The following GGA2 variants were observed in gnomAD, a reference collection of about 807,000 sequenced individuals.
GGA2 encodes the protein golgi associated, gamma adaptin ear containing, ARF binding protein 2, also known as ADP-ribosylation factor-binding protein GGA2.
Under a neutral mutation model 79.5 loss-of-function variants are expected in GGA2, and 48 were observed. That is an observed-to-expected ratio of 0.60 (90% CI 0.48 to 0.77). The LOEUF is 0.77. Among genes scored for constraint, GGA2 ranks in the 30% least tolerant of loss-of-function variants. GGA2 has a pLI of 0.00. For synonymous variants in GGA2, 317 were observed against 302.0 expected, an observed-to-expected ratio of 1.05 and a Z score of -0.51; for missense variants, 770 against 774.0, an observed-to-expected ratio of 0.99 and a Z score of 0.06.
chr16:23,511,043 G>GTGTT (rs1212926019), upstream of GGA2, among the ~76,000 whole-genome samples: 1 of 150,716 alleles, frequency 6.6e-6, no homozygotes, highest in Non-Finnish European at 1.5e-5. Flanking sequence ...GTGTGTGTGT[G>GTGTT]TGTGTGTTAG....
intron 3 of GGA2, 180 bp downstream of exon 3, chr16:23,494,123 C>T (rs1964824305): frequency 3.3e-6 from 2 of 603,536 alleles, no homozygotes; most frequent in Non-Finnish European, 5.9e-6. Flanking sequence ...AGACGAGAAA[C>T]AGGAGGAAGA....
intron 8 of GGA2, among the ~76,000 whole-genome samples, chr16:23,484,419 AAAAAC>A (rs1264011677): frequency 4.6e-5 from 7 of 152,188 alleles, no homozygotes; most frequent in Non-Finnish European, 8.8e-5. Flanking sequence ...CCTTGTCTCA[AAAAAC>A]AAAACAAAAC....
intron 7 of GGA2, 110 bp downstream of exon 7, chr16:23,486,600 T>C: frequency 1.3e-6 from 1 of 773,424 alleles, no homozygotes. Flanking sequence ...TAGGAGCCAC[T>C]CTTTCTCCCA....
In GGA2 at chr16:23,468,962, G is replaced by C; in HGVS notation, c.1655C>G (p.Ser552Cys). 1 of 1,611,824 alleles carries C rather than the reference G, an allele frequency of 6.2e-7. No individual in the cohort carries two copies. The highest frequency in any genetic ancestry group is 8.5e-7 in the Non-Finnish European group (1 of 1,177,948). Residue 552 changes from serine to cysteine, a missense_variant, in exon 16 of 17, where the codon TCC (serine) becomes TGC (cysteine). Ser to Cys is a moderately radical substitution (Grantham distance 112). Coordinates refer to ENST00000309859, the MANE Select transcript of GGA2 (RefSeq NM_015044.4). ...CAAAGGACTGAATGCAGGAAGCTTG[G>C]AGCTGGATGCCGGCTGCAGCTTCAC... is the stretch of plus-strand genomic sequence containing the variant. ...MRVKLQPASS[S>C]KLPAFSPLMP...
intron 1 of GGA2, among the ~76,000 whole-genome samples, chr16:23,496,372 C>T (rs982037988): frequency 6.6e-6 from 1 of 150,448 alleles, no homozygotes; most frequent in South Asian, 2.1e-4. Flanking sequence ...ACTTTTAGTG[C>T]AGAGGTTGGC....
In GGA2 at chr16:23,465,186, A is replaced by G. The variant is rs1400602397; in HGVS notation, c.*2404T>C. On this transcript the variant is annotated 3_prime_UTR_variant, in exon 17 of 17. Coordinates refer to ENST00000309859, the MANE Select transcript of GGA2 (RefSeq NM_015044.4). ...AAAAAAACAGAGACACGGTCTCACT[A>G]TGTAGCCCAGGCTGGACTTGAAATC... The G allele has an allele frequency of 4.9e-6, 3 of 617,436 alleles. No homozygotes were observed. The Admixed American group carries it at 8.0e-5, about 17-fold the overall frequency. 38.2% of individuals were successfully genotyped at this position (617,436 alleles called of 1,614,324 possible). A position where few individuals can be genotyped will look rare whatever the true frequency, so the allele number is the denominator to read the frequency against.
chr16:23,497,641 T>C (rs1964873200), intron 1 of GGA2, among the ~76,000 whole-genome samples: 1 of 152,168 alleles, frequency 6.6e-6, no homozygotes, highest in Non-Finnish European at 1.5e-5. Flanking sequence ...TAAAATCCTA[T>C]CTACCCTTGA....
intron 6 of GGA2, among the ~76,000 whole-genome samples, chr16:23,487,128 C>T (rs1040358982): frequency 6.6e-5 from 10 of 151,976 alleles, no homozygotes; most frequent in Non-Finnish European, 8.8e-5. Flanking sequence ...ACTATAGGCG[C>T]GTGCCACCAT....
At chr16:23,512,877 G>A (rs1245183006), upstream of GGA2, among the ~76,000 whole-genome samples, 2 of 151,724 alleles carry the variant, frequency 1.3e-5, no homozygotes, top group African/African-American at 4.8e-5. Flanking sequence ...GCTAATTTTG[G>A]TATCTTTAGT....
intron 1 of GGA2, among the ~76,000 whole-genome samples, chr16:23,499,189 G>C (rs1419855087): frequency 6.6e-6 from 1 of 150,446 alleles, no homozygotes; most frequent in African/African-American, 2.5e-5. Flanking sequence ...CTGTCACCCG[G>C]GCTGGTGTGC....
chr16:23,514,396 CTG>C (rs1236812188), upstream of GGA2, among the ~76,000 whole-genome samples: 1 of 152,130 alleles, frequency 6.6e-6, no homozygotes, highest in African/African-American at 2.4e-5. Context: ...GAGTAAGCCA[CTG>C]TGCCCGGCCT....
chr16:23,508,058 G>A (rs1023508367), intron 1 of GGA2, among the ~76,000 whole-genome samples: 5 of 151,088 alleles, frequency 3.3e-5, no homozygotes, highest in African/African-American at 4.9e-5. Flanking sequence ...CTCTTACTCC[G>A]GCTACTTTTT....
At chr16:23,512,893 C>G (rs965294441), upstream of GGA2, among the ~76,000 whole-genome samples, 1 of 151,830 alleles carries the variant, frequency 6.6e-6, no homozygotes, top group African/African-American at 2.4e-5. Context: ...TTAGTAGAGA[C>G]AGCGTTTCAC....
At chr16:23,471,175 T>TA (rs1964506640) in intron 14 of GGA2, among the ~76,000 whole-genome samples, 1 of 151,998 alleles carries the variant, frequency 6.6e-6, no homozygotes, top group Admixed American at 6.6e-5. Flanking sequence ...AATAAGCACT[T>TA]ACTTCCTTCT....
intron 14 of GGA2, among the ~76,000 whole-genome samples, chr16:23,473,414 G>A (rs1011465219): frequency 1.6e-5 from 2 of 124,236 alleles, no homozygotes; most frequent in Non-Finnish European, 3.2e-5. Context: ...TCAGCTCACT[G>A]CAACTTCTGC....
intron 1 of GGA2, among the ~76,000 whole-genome samples, chr16:23,496,302 C>CA (rs754859869): frequency 0.089 from 2,877 of 32,318 alleles, 91 homozygotes; most frequent in African/African-American, 0.12. Context: ...GACTCTGTCT[C>CA]AAAAAAAAAA....
chr16:23,485,889 T>G, intron 8 of GGA2, 126 bp downstream of exon 8: 1 of 840,966 alleles, frequency 1.2e-6, no homozygotes, highest in Non-Finnish European at 1.9e-6. Context: ...CACAACGACA[T>G]TTGGGGAGGT....
intron 1 of GGA2, among the ~76,000 whole-genome samples, chr16:23,508,467 G>A (rs976376423): frequency 6.6e-6 from 1 of 152,050 alleles, no homozygotes; most frequent in African/African-American, 2.4e-5. Context: ...TTAAATAACT[G>A]GTTGGTTACC....
chr16:23,515,120 G>T (rs192952561), upstream of GGA2, among the ~76,000 whole-genome samples: 862 of 147,466 alleles, frequency 5.8e-3, 6 homozygotes, highest in African/African-American at 0.02. Flanking sequence ...ATTTCATGGG[G>T]TTTTTTTTTT....
Sources: allele counts gnomAD v4.1 joint callset (sites outside exome capture counted in the v4.1 genomes callset), GRCh38; gene constraint gnomAD v4.1.1; transcripts MANE v1.5; gene names NCBI Gene and HGNC (gene_info 2026-07-23, HGNC 2026-07-21).